Variants in DPM1 observed in about 807,000 individuals in gnomAD.
DPM1 encodes dolichyl-phosphate mannosyltransferase subunit 1, catalytic, also known as dolichol-phosphate mannosyltransferase subunit 1.
Under a neutral mutation model 39.0 loss-of-function variants are expected in DPM1, and 27 were observed. The observed-to-expected ratio is 0.69, with a 90% confidence interval of 0.51 to 0.95. The LOEUF (loss-of-function observed/expected upper bound fraction) is 0.95. DPM1 is among the 40% of genes least tolerant of loss of function. The probability of loss-of-function intolerance (pLI) is 0.00; values close to 1 mark genes in which losing one functional copy is unlikely to be tolerated. For synonymous variants in DPM1, 124 were observed against 109.0 expected (o/e 1.14, Z -0.86); for missense variants, 307 against 315.6 (o/e 0.97, Z 0.21).
At chr20:50,948,002 T>G (rs114654181) in intron 3 of DPM1, among the ~76,000 whole-genome samples, 3,055 of 152,316 alleles carry the variant, frequency 0.02, 110 homozygotes, top group African/African-American at 0.07. Context: ...TCCAAGATAT[T>G]TGCCCTCAGA....
intron 3 of DPM1, among the ~76,000 whole-genome samples, chr20:50,948,375 C>T (rs1349748165): frequency 6.6e-6 from 1 of 152,140 alleles, no homozygotes; most frequent in African/African-American, 2.4e-5. Context: ...TTCTCAGGAA[C>T]TCCTTCAGGG....
Position 50,950,900 on chromosome 20 carries a change from A to G in DPM1, c.262-2238T>C, listed in dbSNP as rs148160864. On this transcript the variant is annotated intron_variant, in intron 2 of 8. Transcript: ENST00000371588. ...CAAACAAACAAACAAACAAACAAAC[A>G]TAACTTTGTTACAGTTGCACACCCC... Among the ~76,000 whole-genome samples the G allele has an allele frequency of 4.0e-3, 595 of 148,106 alleles. 3 individuals carry two copies. The highest frequency in any genetic ancestry group is 0.015 in the African/African-American group (558 of 37,660).
chr20:50,954,752 T>C (rs1986742785), intron 2 of DPM1, among the ~76,000 whole-genome samples: 1 of 152,202 alleles, frequency 6.6e-6, no homozygotes, highest in Non-Finnish European at 1.5e-5. Context: ...AAGAAAACAG[T>C]AACTTTTTCT....
intron 7 of DPM1, among the ~76,000 whole-genome samples, chr20:50,939,543 G>C (rs751257531): frequency 1.7e-4 from 26 of 151,896 alleles, no homozygotes; most frequent in Admixed American, 9.2e-4. Flanking sequence ...TGTTAGCCAG[G>C]ATGGTCTCGA....
chr20:50,939,427 G>A (rs988343974), intron 7 of DPM1, among the ~76,000 whole-genome samples: 4 of 151,588 alleles, frequency 2.6e-5, no homozygotes, highest in African/African-American at 9.7e-5. Flanking sequence ...GTGCAGTGGC[G>A]CGATCTCAGC....
rs574235190 is a variant in DPM1 at position 50,958,117 on chromosome 20, G to A, written c.161+246C>T. On this transcript the variant is annotated intron_variant, in intron 1 of 8. Coordinates refer to ENST00000371588, the MANE Select transcript of DPM1 (RefSeq NM_003859.3). Reference sequence around the variant, plus strand: ...CTTTCTACGGAAAGGCGGGGGACGGGAGTACTACATAATAAAGATAAATGA... The same window carrying A: ...CTTTCTACGGAAAGGCGGGGGACGGAAGTACTACATAATAAAGATAAATGA... Among the ~76,000 whole-genome samples, 7 of 152,334 alleles carry A rather than the reference G, an allele frequency of 4.6e-5. No homozygotes were observed. The South Asian group carries it at 8.3e-4, about 18-fold the overall frequency.
At chr20:50,953,986 G>A in intron 2 of DPM1, among the ~76,000 whole-genome samples, 1 of 152,108 alleles carries the variant, frequency 6.6e-6, no homozygotes, top group East Asian at 1.9e-4. Flanking sequence ...GAGAAGACTT[G>A]AGGTGTGACA....
Position 50,958,479 on chromosome 20 carries a change from C to T in DPM1, c.45G>A (p.Arg15=), listed in dbSNP as rs1986963550. The T allele has an allele frequency of 1.2e-6, 2 of 1,613,842 alleles. No individual in the cohort carries two copies. The highest frequency in any genetic ancestry group is 1.7e-6 in the Non-Finnish European group (2 of 1,180,034). The part of the protein sequence containing the change: ...EVSRSPRRSR[R]ELEVRSPRQN... ...GTCGTGGACTGCGCACTTCCAGCTC[C>T]CGCCGAGACCTGCGAGGACTACGAC... Residue 15 remains arginine, a synonymous_variant, in exon 1 of 9, where the codon CGG becomes CGA. Transcript: ENST00000371588.
chr20:50,950,380 C>T lies in DPM1; in HGVS notation c.262-1718G>A, dbSNP rs144991745. Among the ~76,000 whole-genome samples the T allele has an allele frequency of 2.3e-3, 345 of 152,306 alleles. 1 individual carries two copies. The highest frequency in any genetic ancestry group is 7.9e-3 in the African/African-American group (330 of 41,560). ...GAAGGAAAGACATTCAAATAAGCAT[C>T]TATGATAATTGCAAGTCACTGAACA... On this transcript the variant is annotated intron_variant, in intron 2 of 8. Transcript: ENST00000371588.
At chr20:50,941,426 A>ATATATATTCATATTATATG (rs1418638756) in intron 6 of DPM1, among the ~76,000 whole-genome samples, 1 of 146,588 alleles carries the variant, frequency 6.8e-6, no homozygotes, top group Non-Finnish European at 1.5e-5. Context: ...CATATTATAT[A>ATATATATTCATATTATATG]TATTAGCTGG....
chr20:50,941,478 G>A (rs1410831339), intron 6 of DPM1, among the ~76,000 whole-genome samples: 1 of 149,832 alleles, frequency 6.7e-6, no homozygotes, highest in Admixed American at 6.7e-5. Context: ...CTGGGAAGCT[G>A]AGGCAGGCAG....
chr20:50,940,601 A>C (rs1985644755), intron 7 of DPM1, among the ~76,000 whole-genome samples: 1 of 152,252 alleles, frequency 6.6e-6, no homozygotes, highest in South Asian at 2.1e-4. Context: ...TATCAGTAAT[A>C]GCAACATTCC....
Position 50,948,625 on chromosome 20 carries a change from T to G in DPM1, c.295+4A>C. On this transcript the variant is annotated splice_donor_region_variant and intron_variant, in intron 3 of 8. Transcript: ENST00000371588. ...TGTGAGGGGTTAGAGATTACACGAC[T>G]TACCTAGTCCCAACTTTTTCTCTCG... 1 of 1,613,838 alleles carries G rather than the reference T, an allele frequency of 6.2e-7. No individual in the cohort carries two copies. The highest frequency in any genetic ancestry group is 8.5e-7 in the Non-Finnish European group (1 of 1,179,732).
intron 2 of DPM1, among the ~76,000 whole-genome samples, chr20:50,949,639 G>A (rs1292634821): frequency 6.6e-6 from 1 of 152,192 alleles, no homozygotes; most frequent in Non-Finnish European, 1.5e-5. Flanking sequence ...GAGGTATGGG[G>A]TTCAGGGAGA....
At chr20:50,947,554 A>G (rs889593349) in intron 3 of DPM1, among the ~76,000 whole-genome samples, 2 of 152,242 alleles carry the variant, frequency 1.3e-5, no homozygotes, top group Non-Finnish European at 2.9e-5. Flanking sequence ...TAGCACAAAT[A>G]AAGGCAGAGT....
intron 2 of DPM1, among the ~76,000 whole-genome samples, chr20:50,949,670 G>A (rs939348041): frequency 1.3e-5 from 2 of 152,096 alleles, no homozygotes; most frequent in African/African-American, 4.8e-5. Context: ...AGCATGTCTT[G>A]TCTATCTTGT....
chr20:50,955,213 CA>C lies in DPM1; in HGVS notation c.233del (p.Leu78TrpfsTer12). 1 of 1,613,016 alleles carries C rather than the reference CA, an allele frequency of 6.2e-7. No homozygotes were observed. The highest frequency in any genetic ancestry group is 8.5e-7 in the Non-Finnish European group (1 of 1,179,664). ...TTCTGTCTGACCCATAGATCTTCTCCAACTGTTCAGCAACATCCCTTGTTCC... is the reference window on the plus strand; with the variant it reads ...TTCTGTCTGACCCATAGATCTTCTCCACTGTTCAGCAACATCCCTTGTTCC... ...PDGTRDVAEQ[L>X]EKIYGSDRIL... On this transcript the variant is annotated frameshift_variant, in exon 2 of 9. Coordinates refer to ENST00000371588, the MANE Select transcript of DPM1 (RefSeq NM_003859.3). LOFTEE classifies it high-confidence loss of function.
At chr20:50,948,554 A>G (rs1986411275) in intron 3 of DPM1, 75 bp downstream of exon 3, 2 of 1,438,148 alleles carry the variant, frequency 1.4e-6, no homozygotes, top group Non-Finnish European at 9.8e-7. Flanking sequence ...CCCTATTCCA[A>G]ACTGGGAAAA....
At chr20:50,937,352 TC>T (rs1219017193) in intron 7 of DPM1, among the ~76,000 whole-genome samples, 1 of 152,150 alleles carries the variant, frequency 6.6e-6, no homozygotes, top group Non-Finnish European at 1.5e-5. Flanking sequence ...CCTTAAGGAT[TC>T]AAAGGAATCA....
Sources: gnomAD v4.1 joint callset for allele counts (sites outside exome capture counted in the v4.1 genomes callset) on GRCh38, gnomAD v4.1.1 for gene constraint, MANE v1.5 for transcripts, NCBI Gene and HGNC (gene_info 2026-07-23, HGNC 2026-07-21) for gene names.